The following EFNA5 variants were observed in gnomAD, a reference collection of about 807,000 sequenced individuals.
EFNA5 encodes the protein ephrin A5.
In EFNA5, 5 loss-of-function variants were observed where a neutral mutation model predicts 22.9. The observed-to-expected ratio is 0.22, with a 90% CI of 0.11 to 0.46. The LOEUF (loss-of-function observed/expected upper bound fraction) is 0.46, where lower values mean the gene tolerates loss of function less well. Among genes scored for constraint, EFNA5 ranks in the 20% least tolerant of loss-of-function variants. The probability of loss-of-function intolerance (pLI) is 0.99; values close to 1 mark genes in which losing one functional copy is unlikely to be tolerated. For synonymous variants in EFNA5, 113 were observed against 112.2 expected, an observed-to-expected ratio of 1.01 and a Z score of -0.04; for missense variants, 237 against 293.3, an observed-to-expected ratio of 0.81 and a Z score of 1.40.
At chr5:107,600,259 G>A (rs1235238158) in intron 1 of EFNA5, among the ~76,000 whole-genome samples, 1 of 152,142 alleles carries the variant, frequency 6.6e-6, no homozygotes, top group African/African-American at 2.4e-5. Context: ...ATAGAACAGT[G>A]GCACAGAAGC....
At chr5:107,613,441 A>G (rs775572454) in intron 1 of EFNA5, among the ~76,000 whole-genome samples, 2 of 152,100 alleles carry the variant, frequency 1.3e-5, no homozygotes, top group Admixed American at 6.5e-5. Flanking sequence ...GGATGAAAAC[A>G]CCAAAACCCC....
intron 1 of EFNA5, among the ~76,000 whole-genome samples, chr5:107,565,372 ATC>A (rs1369409006): frequency 2.6e-5 from 4 of 152,192 alleles, no homozygotes; most frequent in South Asian, 2.1e-4. Flanking sequence ...CTCATATTTC[ATC>A]TCTGTTTATG....
intron 1 of EFNA5, among the ~76,000 whole-genome samples, chr5:107,558,130 A>C (rs1748463524): frequency 6.7e-6 from 1 of 148,458 alleles, no homozygotes; most frequent in African/African-American, 2.4e-5. Context: ...CATAAACAAG[A>C]AAAAAAATCT....
At chr5:107,430,774 CTT>C (rs869266799) in intron 1 of EFNA5, among the ~76,000 whole-genome samples, 2 of 20,290 alleles carry the variant, frequency 9.9e-5, no homozygotes, top group African/African-American at 1.7e-4. Flanking sequence ...TTCTTTCTTT[CTT>C]TTTTTTTTTT....
chr5:107,524,154 C>T (rs1318419949), intron 1 of EFNA5, among the ~76,000 whole-genome samples: 2 of 152,220 alleles, frequency 1.3e-5, no homozygotes, highest in Non-Finnish European at 2.9e-5. Context: ...TAGATGAAGT[C>T]ACTGAGCCAC....
At chr5:107,667,454 C>T (rs1751101653) in intron 1 of EFNA5, among the ~76,000 whole-genome samples, 1 of 152,000 alleles carries the variant, frequency 6.6e-6, no homozygotes, top group Non-Finnish European at 1.5e-5. Context: ...AGTAATGAAA[C>T]TCCATGTAGA....
chr5:107,484,454 T>A (rs1580484268), intron 1 of EFNA5, among the ~76,000 whole-genome samples: 2 of 152,282 alleles, frequency 1.3e-5, no homozygotes. Flanking sequence ...TTTAAATGGA[T>A]CCATTGCAAC....
chr5:107,410,221 G>A (rs931370156), intron 2 of EFNA5, among the ~76,000 whole-genome samples: 1 of 151,782 alleles, frequency 6.6e-6, no homozygotes, highest in Non-Finnish European at 1.5e-5. Flanking sequence ...TAGTAGAGAC[G>A]GGGTTTCACC....
chr5:107,619,284 A>C (rs1358478939), intron 1 of EFNA5, among the ~76,000 whole-genome samples: 1 of 152,086 alleles, frequency 6.6e-6, no homozygotes, highest in African/African-American at 2.4e-5. Flanking sequence ...CATTGAGAGA[A>C]ACTGTTGAGA....
At chr5:107,423,045 G>A (rs1238412900) in intron 2 of EFNA5, among the ~76,000 whole-genome samples, 1 of 152,276 alleles carries the variant, frequency 6.6e-6, no homozygotes, top group East Asian at 1.9e-4. Flanking sequence ...CCCTAATGCT[G>A]CAGACCCTCA....
intron 1 of EFNA5, among the ~76,000 whole-genome samples, chr5:107,457,402 T>C (rs994060478): frequency 6.6e-6 from 1 of 152,124 alleles, no homozygotes; most frequent in African/African-American, 2.4e-5. Context: ...AAGTCCCTGA[T>C]ATAAAAAGGC....
intron 1 of EFNA5, among the ~76,000 whole-genome samples, chr5:107,494,309 G>A (rs887630144): frequency 2.8e-4 from 43 of 152,212 alleles, no homozygotes; most frequent in African/African-American, 9.9e-4. Flanking sequence ...AGTTCCGGGT[G>A]GGCGTGGGCT....
chr5:107,627,003 G>A (rs164842), intron 1 of EFNA5, among the ~76,000 whole-genome samples: 101,442 of 152,042 alleles, frequency 0.67, 34,403 homozygotes, highest in Non-Finnish European at 0.74. Flanking sequence ...GATTTTCTGT[G>A]TAGTATCATC....
At chr5:107,486,737 C>T (rs868564346) in intron 1 of EFNA5, among the ~76,000 whole-genome samples, 1 of 152,288 alleles carries the variant, frequency 6.6e-6, no homozygotes, top group Middle Eastern at 3.4e-3. Context: ...TTGAGTCACA[C>T]ACAGATAATA....
intron 1 of EFNA5, among the ~76,000 whole-genome samples, chr5:107,498,001 G>A (rs1398770193): frequency 6.6e-6 from 1 of 152,004 alleles, no homozygotes. Context: ...CTGCAGCCTC[G>A]GCCTCCTGAG....
intron 1 of EFNA5, among the ~76,000 whole-genome samples, chr5:107,588,967 A>C (rs1195272121): frequency 1.3e-5 from 2 of 152,176 alleles, no homozygotes; most frequent in Admixed American, 1.3e-4. Flanking sequence ...AAAAGGTACC[A>C]AGGGTCCTCA....
chr5:107,537,536 T>C (rs1580518785), intron 1 of EFNA5, among the ~76,000 whole-genome samples: 1 of 152,148 alleles, frequency 6.6e-6, no homozygotes, highest in East Asian at 1.9e-4. Flanking sequence ...GAGCCAGGAG[T>C]TGCAGTGAGC....
chr5:107,407,036 T>G (rs535850251), intron 2 of EFNA5, among the ~76,000 whole-genome samples: 15 of 152,234 alleles, frequency 9.9e-5, no homozygotes, highest in Non-Finnish European at 1.9e-4. Flanking sequence ...AGCTTATTTT[T>G]CAACATATAC....
At chr5:107,622,603 C>T (rs17165752) in intron 1 of EFNA5, among the ~76,000 whole-genome samples, 1 of 152,220 alleles carries the variant, frequency 6.6e-6, no homozygotes, top group Non-Finnish European at 1.5e-5. Context: ...CCTTGCAAAT[C>T]GGTTTACCTA....
Sources: gnomAD v4.1 joint callset for allele counts (sites outside exome capture counted in the v4.1 genomes callset) on GRCh38, gnomAD v4.1.1 for gene constraint, MANE v1.5 for transcripts, NCBI Gene and HGNC (gene_info 2026-07-23, HGNC 2026-07-21) for gene names.